The following TMEM117 variants were observed in gnomAD, a reference collection of about 807,000 sequenced individuals.
TMEM117 encodes transmembrane protein 117.
TMEM117 carries 27 observed loss-of-function variants against 52.4 expected under a neutral mutation model. The ratio of observed to expected loss-of-function variants is 0.51; its 90% CI spans 0.38 to 0.71. TMEM117 has a LOEUF of 0.71. Among genes scored for constraint, TMEM117 ranks in the 30% least tolerant of loss-of-function variants. TMEM117 has a pLI of 0.00. For synonymous variants in TMEM117, 215 were observed against 206.3 expected, an observed-to-expected ratio of 1.04 and a Z score of -0.36; for missense variants, 556 against 630.5, an observed-to-expected ratio of 0.88 and a Z score of 1.26.
chr12:44,309,490 A>C (rs1950945612), intron 6 of TMEM117, among the ~76,000 whole-genome samples: 1 of 152,146 alleles, frequency 6.6e-6, no homozygotes, highest in Non-Finnish European at 1.5e-5. Flanking sequence ...AATGAGGAAC[A>C]AGCTACTAAG....
At chr12:44,310,109 T>C (rs1475679530) in intron 6 of TMEM117, among the ~76,000 whole-genome samples, 1 of 152,240 alleles carries the variant, frequency 6.6e-6, no homozygotes, top group African/African-American at 2.4e-5. Context: ...GCTTGAAGTA[T>C]GATGTTTTTG....
chr12:43,798,889 G>A, the TMEM117 span, among the ~76,000 whole-genome samples: 481 of 152,112 alleles, frequency 3.2e-3, 3 homozygotes, highest in African/African-American at 0.011. Context: ...TAAAAATAAT[G>A]ATAAACTACA....
intron 4 of TMEM117, among the ~76,000 whole-genome samples, chr12:44,193,739 C>G (rs1031233994): frequency 9.9e-5 from 15 of 152,146 alleles, no homozygotes; most frequent in African/African-American, 3.6e-4. Context: ...GGCCCAAAGT[C>G]TCACTACCTG....
chr12:44,064,851 T>C (rs190149647), intron 3 of TMEM117, among the ~76,000 whole-genome samples: 1 of 152,270 alleles, frequency 6.6e-6, no homozygotes, highest in Admixed American at 6.5e-5. Context: ...TTAATAATAT[T>C]GTATTGTGTT....
At chr12:44,283,575 T>C (rs189232559) in intron 5 of TMEM117, among the ~76,000 whole-genome samples, 7 of 152,316 alleles carry the variant, frequency 4.6e-5, no homozygotes, top group Admixed American at 2.0e-4. Flanking sequence ...ACAGCTGTAT[T>C]TACCCAATAC....
chr12:44,256,194 A>G (rs902183789), intron 5 of TMEM117, among the ~76,000 whole-genome samples: 1 of 151,810 alleles, frequency 6.6e-6, no homozygotes, highest in Non-Finnish European at 1.5e-5. Context: ...ATATATATAA[A>G]TTTATGTATA....
intron 3 of TMEM117, among the ~76,000 whole-genome samples, chr12:44,070,999 A>T (rs1384888265): frequency 1.3e-5 from 2 of 152,204 alleles, no homozygotes; most frequent in African/African-American, 4.8e-5. Flanking sequence ...GTTCCTGAGA[A>T]TTCAGGGGTA....
intron 5 of TMEM117, among the ~76,000 whole-genome samples, chr12:44,241,440 A>G (rs1950060512): frequency 6.6e-6 from 1 of 151,910 alleles, no homozygotes; most frequent in Non-Finnish European, 1.5e-5. Flanking sequence ...CTTACTTTGA[A>G]TGAGATTGAT....
chr12:43,840,278 T>G (rs1403779549), intron 1 of TMEM117, among the ~76,000 whole-genome samples: 1 of 152,218 alleles, frequency 6.6e-6, no homozygotes. Flanking sequence ...TTGCAATATT[T>G]GTAAAATGAG....
intron 3 of TMEM117, among the ~76,000 whole-genome samples, chr12:43,961,369 AATTT>A (rs765180665): frequency 0.012 from 1,769 of 152,352 alleles, 40 homozygotes; most frequent in East Asian, 0.069. Flanking sequence ...AGTTATTATT[AATTT>A]CATACAAAAT....
intron 3 of TMEM117, among the ~76,000 whole-genome samples, chr12:43,958,200 CTA>C (rs1283735866): frequency 3.3e-5 from 5 of 152,128 alleles, no homozygotes; most frequent in Non-Finnish European, 5.9e-5. Flanking sequence ...GCATATGCAT[CTA>C]TATGTTTATA....
chr12:43,933,115 T>C (rs760856906), intron 2 of TMEM117, among the ~76,000 whole-genome samples: 3 of 152,238 alleles, frequency 2.0e-5, no homozygotes, highest in Non-Finnish European at 4.4e-5. Flanking sequence ...GGAAAACCTA[T>C]TTAAAATCGT....
intron 2 of TMEM117, among the ~76,000 whole-genome samples, chr12:43,924,353 G>A (rs936965982): frequency 6.6e-6 from 1 of 151,972 alleles, no homozygotes; most frequent in Non-Finnish European, 1.5e-5. Flanking sequence ...TAACTCCTTT[G>A]TCTATTATTT....
At chr12:44,279,309 G>A (rs1950550643) in intron 5 of TMEM117, among the ~76,000 whole-genome samples, 1 of 152,106 alleles carries the variant, frequency 6.6e-6, no homozygotes, top group South Asian at 2.1e-4. Context: ...TCCGATGTTT[G>A]GGTAAACGCT....
At chr12:44,277,408 A>G (rs1950527546) in intron 5 of TMEM117, among the ~76,000 whole-genome samples, 1 of 152,094 alleles carries the variant, frequency 6.6e-6, no homozygotes. Flanking sequence ...AAGAATTTTG[A>G]TATCTTAAAA....
chr12:43,940,325 C>A (rs1480022926), intron 2 of TMEM117, among the ~76,000 whole-genome samples: 1 of 152,164 alleles, frequency 6.6e-6, no homozygotes, highest in Non-Finnish European at 1.5e-5. Context: ...TATTTCTTTG[C>A]ACAGGCTCCA....
At chr12:44,124,603 T>A (rs1037637580) in intron 3 of TMEM117, among the ~76,000 whole-genome samples, 1 of 152,230 alleles carries the variant, frequency 6.6e-6, no homozygotes, top group Admixed American at 6.5e-5. Context: ...TTGAGAGTTT[T>A]TAACGTGAAG....
chr12:44,197,267 A>G (rs1230049654), intron 4 of TMEM117, among the ~76,000 whole-genome samples: 3 of 152,264 alleles, frequency 2.0e-5, no homozygotes, highest in East Asian at 3.9e-4. Flanking sequence ...TTCTGAACAC[A>G]TCCTTTATTT....
intron 3 of TMEM117, among the ~76,000 whole-genome samples, chr12:43,959,049 C>T (rs1219253407): frequency 6.6e-6 from 1 of 152,070 alleles, no homozygotes. Flanking sequence ...CCTCGTGATC[C>T]GCCCGCCTTG....
Sources: gnomAD v4.1 joint callset for allele counts (sites outside exome capture counted in the v4.1 genomes callset) on GRCh38, gnomAD v4.1.1 for gene constraint, MANE v1.5 for transcripts, NCBI Gene and HGNC (gene_info 2026-07-23, HGNC 2026-07-21) for gene names.